Variants in USP12 observed in about 807,000 individuals in gnomAD.
The protein encoded by USP12 is ubiquitin carboxyl-terminal hydrolase 12.
A neutral mutation model predicts 45.5 loss-of-function variants in USP12; 19 were observed. The observed-to-expected ratio is 0.42, with a 90% CI of 0.29 to 0.61. The LOEUF is 0.61. Among genes scored for constraint, USP12 ranks in the 20% least tolerant of loss-of-function variants. The pLI is 0.22. For synonymous variants in USP12, 149 were observed against 148.8 expected, an observed-to-expected ratio of 1.00 and a Z score of -0.01; for missense variants, 242 against 447.7, an observed-to-expected ratio of 0.54 and a Z score of 4.15.
chr13:27,066,783 C>T lies in USP12; in HGVS notation c.*2500G>A, dbSNP rs1473123369. 1 of 152,206 alleles carries T rather than the reference C, an allele frequency of 6.6e-6. No homozygotes were observed. Among genetic ancestry groups the T allele is most frequent in the Non-Finnish European group, 1.5e-5 (1 of 68,030 alleles). 9.4% of individuals were successfully genotyped at this position (152,206 alleles called of 1,614,324 possible). On this transcript the variant is annotated 3_prime_UTR_variant, in exon 9 of 9. Transcript: ENST00000282344. ...CACGGCAATCAGCCACCACTTACAACTTACACCAGCCCCGCATTTTAATCA... is the reference window on the plus strand; with the variant it reads ...CACGGCAATCAGCCACCACTTACAATTTACACCAGCCCCGCATTTTAATCA...
intron 1 of USP12, 36 bp from the exon 2 acceptor site, chr13:27,116,632 G>C (rs1293509417): frequency 6.3e-7 from 1 of 1,596,326 alleles, no homozygotes. Context: ...AGTATTTATA[G>C]TAGTCATGCA....
intron 1 of USP12, among the ~76,000 whole-genome samples, chr13:27,141,494 C>A (rs1877055482): frequency 6.6e-6 from 1 of 152,038 alleles, no homozygotes; most frequent in South Asian, 2.1e-4. Flanking sequence ...AAGGAAGATA[C>A]AAGATGATTC....
At chr13:27,110,980 A>C (rs941589324) in intron 2 of USP12, among the ~76,000 whole-genome samples, 1 of 152,210 alleles carries the variant, frequency 6.6e-6, no homozygotes, top group Non-Finnish European at 1.5e-5. Flanking sequence ...AAAAAATATG[A>C]GAAGCAAATA....
At chr13:27,089,329 A>G (rs902275568) in intron 6 of USP12, 5 of 152,668 alleles carry the variant, frequency 3.3e-5, no homozygotes, top group South Asian at 2.1e-4. Flanking sequence ...CATGAGGTAC[A>G]TATCAGTAAC....
At chr13:27,088,891 C>T (rs1202227815) in intron 6 of USP12, among the ~76,000 whole-genome samples, 4 of 152,126 alleles carry the variant, frequency 2.6e-5, no homozygotes, top group Non-Finnish European at 4.4e-5. Flanking sequence ...CTTGGGGATA[C>T]TCCAACACAT....
intron 4 of USP12, among the ~76,000 whole-genome samples, chr13:27,093,308 C>T (rs1382445955): frequency 2.4e-4 from 9 of 37,960 alleles, no homozygotes; most frequent in Admixed American, 2.1e-3. Context: ...AAATTATACC[C>T]GAAAAAAAAA....
intron 4 of USP12, among the ~76,000 whole-genome samples, chr13:27,090,435 G>T (rs1161700284): frequency 2.0e-5 from 3 of 151,852 alleles, no homozygotes; most frequent in African/African-American, 7.3e-5. Flanking sequence ...AAGTCTTTGT[G>T]TTATTTTAAA....
intron 6 of USP12, among the ~76,000 whole-genome samples, chr13:27,079,755 G>A (rs1383574904): frequency 6.6e-6 from 1 of 152,204 alleles, no homozygotes; most frequent in Non-Finnish European, 1.5e-5. Context: ...CTCTGCCACA[G>A]ATGAATGCAA....
chr13:27,089,987 A>C (rs1183144667), intron 5 of USP12, 21 bp from the exon 6 acceptor site: 3 of 1,601,148 alleles, frequency 1.9e-6, no homozygotes, highest in Non-Finnish European at 2.6e-6. Flanking sequence ...TTCAAAACAA[A>C]TTTATTTTGT....
chr13:27,161,061 G>A (rs370415590), intron 1 of USP12, among the ~76,000 whole-genome samples: 1 of 152,074 alleles, frequency 6.6e-6, no homozygotes, highest in Non-Finnish European at 1.5e-5. Context: ...GTGGAAAAGA[G>A]AATCCCCCTG....
chr13:27,104,712 C>T (rs967681235), intron 3 of USP12, among the ~76,000 whole-genome samples: 7 of 152,116 alleles, frequency 4.6e-5, no homozygotes, highest in African/African-American at 1.4e-4. Flanking sequence ...TATATTTCAG[C>T]GAACTAGATA....
intron 1 of USP12, among the ~76,000 whole-genome samples, chr13:27,155,809 T>C (rs1877813042): frequency 1.3e-5 from 2 of 152,224 alleles, no homozygotes; most frequent in African/African-American, 2.4e-5. Context: ...TAAGTCTAGA[T>C]GCGGAAAAGG....
chr13:27,144,680 A>G (rs1031858115), intron 1 of USP12, among the ~76,000 whole-genome samples: 3 of 151,876 alleles, frequency 2.0e-5, no homozygotes, highest in African/African-American at 7.2e-5. Flanking sequence ...AGATGGAATG[A>G]CTGTGGTTCA....
At chr13:27,082,982 T>C (rs938880474) in intron 6 of USP12, among the ~76,000 whole-genome samples, 2 of 152,196 alleles carry the variant, frequency 1.3e-5, no homozygotes, top group Non-Finnish European at 2.9e-5. Context: ...ATTATAGGCA[T>C]GCGCCACCAC....
chr13:27,085,203 C>T (rs193288549), intron 6 of USP12, among the ~76,000 whole-genome samples: 225 of 151,158 alleles, frequency 1.5e-3, no homozygotes, highest in African/African-American at 5.2e-3. Context: ...GATGGAGTCT[C>T]GCTCTGTTGC....
rs1436239718 is a variant in USP12, at chr13:27,066,666, A to G, written c.*2617T>C. 1 of 152,194 alleles carries G rather than the reference A, an allele frequency of 6.6e-6. No individual in the cohort carries two copies. Among genetic ancestry groups the G allele is most frequent in the Non-Finnish European group, 1.5e-5 (1 of 68,044 alleles). 9.4% of individuals were successfully genotyped at this position (152,194 alleles called of 1,614,324 possible). On this transcript the variant is annotated 3_prime_UTR_variant, in exon 9 of 9. Transcript: ENST00000282344. ...ACTTAAGAAGTGGGACTTAATTTAG[A>G]ATATTTACTTTTAGTTACAATAATT...
intron 1 of USP12, among the ~76,000 whole-genome samples, chr13:27,128,769 A>G (rs765198035): frequency 2.6e-5 from 4 of 152,240 alleles, no homozygotes; most frequent in Non-Finnish European, 5.9e-5. Context: ...GATTTCTGTG[A>G]TTATGCTCAG....
intron 2 of USP12, among the ~76,000 whole-genome samples, chr13:27,114,668 G>C (rs1485516761): frequency 6.6e-6 from 1 of 151,578 alleles, no homozygotes; most frequent in African/African-American, 2.4e-5. Flanking sequence ...ATCTGCAACT[G>C]AAAGTAACAG....
rs199976026 is a variant in USP12 at position 27,167,541 on chromosome 13, A to AT, written c.48+4050dup. Among the ~76,000 whole-genome samples, 220 of 151,708 alleles carry AT rather than the reference A, an allele frequency of 1.5e-3. 4 individuals are homozygous for AT. The East Asian group carries it at 0.035, about 24-fold the overall frequency. On this transcript the variant is annotated intron_variant, in intron 1 of 8. Transcript: ENST00000282344. Reference sequence around the variant, plus strand: ...GATTCCTTATTTTTGAGGTTTTCTTATTTTTTTTAAAGGCTTAAGAAGCTT... The same window carrying AT: ...GATTCCTTATTTTTGAGGTTTTCTTATTTTTTTTTAAAGGCTTAAGAAGCTT...
Sources: gnomAD v4.1 joint callset for allele counts (sites outside exome capture counted in the v4.1 genomes callset) on GRCh38, gnomAD v4.1.1 for gene constraint, MANE v1.5 for transcripts, NCBI Gene and HGNC (gene_info 2026-07-23, HGNC 2026-07-21) for gene names.